The following SYK variants were observed in gnomAD, a reference collection of about 807,000 sequenced individuals.
SYK encodes tyrosine-protein kinase SYK.
A neutral mutation model predicts 77.8 loss-of-function variants in SYK; 16 were observed. The observed-to-expected ratio is 0.21, with a 90% CI of 0.14 to 0.31. SYK has a LOEUF of 0.31. Among genes scored for constraint, SYK ranks in the 10% least tolerant of loss-of-function variants. SYK has a pLI of 1.00. For missense variants in SYK, 529 were observed against 814.4 expected, an observed-to-expected ratio of 0.65 and a Z score of 4.26; for synonymous variants, 312 against 308.7, an observed-to-expected ratio of 1.01 and a Z score of -0.11.
At chr9:90,838,524 G>A (rs572698321) in intron 1 of SYK, among the ~76,000 whole-genome samples, 12 of 152,330 alleles carry the variant, frequency 7.9e-5, no homozygotes, top group Admixed American at 7.2e-4. Context: ...AAGAGCAAGG[G>A]ATTTGCAGTG....
chr9:90,894,352 C>T (rs766230282), intron 13 of SYK, among the ~76,000 whole-genome samples: 9 of 152,164 alleles, frequency 5.9e-5, no homozygotes, highest in Non-Finnish European at 1.2e-4. Flanking sequence ...CTGGGAGGCC[C>T]GTGTCCCCAG....
intron 11 of SYK, 57 bp downstream of exon 11, chr9:90,879,010 T>G: frequency 3.1e-6 from 4 of 1,310,608 alleles, no homozygotes; most frequent in Non-Finnish European, 4.3e-6. Context: ...GCAAGATAAA[T>G]GTACGTTTTC....
intron 1 of SYK, among the ~76,000 whole-genome samples, chr9:90,838,326 A>C (rs1474637769): frequency 1.3e-5 from 2 of 152,232 alleles, no homozygotes; most frequent in African/African-American, 4.8e-5. Context: ...GAAGAACAAG[A>C]CAATACTCAA....
chr9:90,862,309 A>G lies in SYK; in HGVS notation c.682A>G (p.Ile228Val), dbSNP rs1827301501. 6.2e-7 allele frequency: 1 copy of G among 1,613,978 alleles called. No individual in the cohort carries two copies. The highest frequency in any genetic ancestry group is 8.5e-7 in the Non-Finnish European group (1 of 1,179,964). Residue 228 changes from isoleucine (I) to valine (V), a missense_variant, in exon 4 of 14, where the codon ATC becomes GTC. Ile to Val is a conservative substitution (Grantham distance 29). Transcript: ENST00000375754. The part of the protein sequence containing the change: ...IDKDKTGKLS[I>V]PEGKKFDTLW... The stretch of plus-strand genomic sequence containing the variant: ...CAAAGACAAGACAGGGAAGCTCTCC[A>G]TCCCCGAGGGAAAGAAGTTCGACAC...
intron 11 of SYK, among the ~76,000 whole-genome samples, chr9:90,881,557 G>A (rs1828152466): frequency 6.6e-6 from 1 of 151,714 alleles, no homozygotes; most frequent in South Asian, 2.1e-4. Flanking sequence ...GCAGGCACCT[G>A]TAATCCCAGC....
intron 3 of SYK, among the ~76,000 whole-genome samples, chr9:90,852,635 A>G (rs903613914): frequency 1.3e-5 from 2 of 152,236 alleles, no homozygotes; most frequent in African/African-American, 4.8e-5. Context: ...GCTGCTCTCC[A>G]AATAGCTCGA....
intron 1 of SYK, among the ~76,000 whole-genome samples, chr9:90,814,251 C>G (rs2118337509): frequency 6.6e-6 from 1 of 152,308 alleles, no homozygotes; most frequent in Admixed American, 6.5e-5. Context: ...CACACAGACT[C>G]TGGTCCTGGC....
intron 3 of SYK, 130 bp downstream of exon 3, chr9:90,845,724 G>T: frequency 1.9e-6 from 2 of 1,059,028 alleles, no homozygotes; most frequent in Non-Finnish European, 2.7e-6. Context: ...TTGACAACAT[G>T]CATGCTGGCC....
At chr9:90,804,001 T>A (rs1824718920) in intron 1 of SYK, among the ~76,000 whole-genome samples, 1 of 149,636 alleles carries the variant, frequency 6.7e-6, no homozygotes, top group South Asian at 2.1e-4. Flanking sequence ...CTACGAGAGC[T>A]TCTCTAAGAC....
chr9:90,852,773 C>T (rs1384431392), intron 3 of SYK, among the ~76,000 whole-genome samples: 1 of 152,202 alleles, frequency 6.6e-6, no homozygotes. Context: ...CAAAAACAGT[C>T]ATTCATTCAA....
At chr9:90,840,887 G>T (rs1383550906) in intron 1 of SYK, among the ~76,000 whole-genome samples, 2 of 152,182 alleles carry the variant, frequency 1.3e-5, no homozygotes, top group Non-Finnish European at 2.9e-5. Flanking sequence ...GATAGACACC[G>T]TCTGGGGAAA....
chr9:90,866,569 G>A (rs146047076), intron 6 of SYK, among the ~76,000 whole-genome samples: 208 of 152,304 alleles, frequency 1.4e-3, no homozygotes, highest in African/African-American at 4.8e-3. Flanking sequence ...GATGGATGAG[G>A]GCTTAGGGCT....
intron 3 of SYK, among the ~76,000 whole-genome samples, chr9:90,854,471 C>T (rs2118725913): frequency 6.6e-6 from 1 of 152,240 alleles, no homozygotes; most frequent in South Asian, 2.1e-4. Context: ...CCTAAAGTTG[C>T]AAGAACATCA....
intron 1 of SYK, among the ~76,000 whole-genome samples, chr9:90,808,589 C>G (rs555221782): frequency 6.6e-6 from 1 of 152,054 alleles, no homozygotes; most frequent in East Asian, 1.9e-4. Context: ...CATAACTGGT[C>G]TGTGTGGTGT....
chr9:90,837,316 G>C (rs1474055541), intron 1 of SYK, among the ~76,000 whole-genome samples: 1 of 152,078 alleles, frequency 6.6e-6, no homozygotes, highest in Non-Finnish European at 1.5e-5. Context: ...CCAGACCTTT[G>C]GGGCTCACAT....
intron 1 of SYK, among the ~76,000 whole-genome samples, chr9:90,824,482 G>GA (rs1355916132): frequency 6.6e-6 from 1 of 152,092 alleles, no homozygotes; most frequent in Non-Finnish European, 1.5e-5. Flanking sequence ...CAAAATGTTA[G>GA]AAAATCAAAC....
At chr9:90,810,672 T>C (rs142609819) in intron 1 of SYK, among the ~76,000 whole-genome samples, 1 of 152,160 alleles carries the variant, frequency 6.6e-6, no homozygotes, top group Non-Finnish European at 1.5e-5. Context: ...ACTCTGTCAG[T>C]GTGAAGACCA....
intron 3 of SYK, among the ~76,000 whole-genome samples, chr9:90,850,659 A>C (rs1826786424): frequency 6.6e-6 from 1 of 152,006 alleles, no homozygotes; most frequent in Non-Finnish European, 1.5e-5. Context: ...ATTACTCTTC[A>C]CACTTTCATC....
At chr9:90,894,778 C>T (rs904907459) in intron 13 of SYK, among the ~76,000 whole-genome samples, 2 of 152,234 alleles carry the variant, frequency 1.3e-5, no homozygotes, top group South Asian at 4.1e-4. Flanking sequence ...TCCAACTGAT[C>T]TGTACAGGAT....
Sources: allele counts gnomAD v4.1 joint callset (sites outside exome capture counted in the v4.1 genomes callset), GRCh38; gene constraint gnomAD v4.1.1; transcripts MANE v1.5; gene names NCBI Gene and HGNC (gene_info 2026-07-23, HGNC 2026-07-21).